Variants in BAZ2A observed in about 807,000 individuals in gnomAD.
BAZ2A encodes bromodomain adjacent to zinc finger domain 2A, also known as bromodomain adjacent to zinc finger domain protein 2A.
BAZ2A carries 34 observed loss-of-function variants against 199.9 expected under a neutral mutation model. That is an observed-to-expected ratio of 0.17 (90% CI 0.13 to 0.23). The LOEUF (loss-of-function observed/expected upper bound fraction) is 0.23. BAZ2A is among the 10% of genes least tolerant of loss of function. BAZ2A has a pLI of 1.00. For missense variants in BAZ2A, 2,002 were observed against 2,391.1 expected (o/e 0.84, Z 3.39); for synonymous variants, 857 against 883.9 (o/e 0.97, Z 0.54).
rs760854346 is a variant in BAZ2A at position 56,605,205 on chromosome 12, T to G, written c.2616A>C (p.Lys872Asn). The change falls in exon 14 of 29, where the codon AAA becomes AAC. Residue 872 changes from lysine to asparagine, a missense_variant. Around this residue, in one of 6 missense-constraint regions of BAZ2A, gnomAD observed 1,081 missense variants for 1,274.7 expected, o/e 0.85. Coordinates refer to ENST00000549884, the MANE Select transcript of BAZ2A (RefSeq NM_001300905.2). ...FGKVLGFDPA[K>N]DVPSLGVLQE... The stretch of plus-strand genomic sequence containing the variant: ...GCAGGACCCCCAGGCTAGGCACATC[T>G]TTGGCAGGATCAAAGCCCAGCACCT... 5 of 1,613,722 alleles carry G rather than the reference T, an allele frequency of 3.1e-6. 1 individual carries two copies. In the South Asian group the frequency reaches 5.5e-5, roughly 18 times the overall value.
intron 19 of BAZ2A, among the ~76,000 whole-genome samples, 171 bp from the exon 20 acceptor site, chr12:56,602,363 C>G (rs537508180): frequency 6.6e-6 from 1 of 152,264 alleles, no homozygotes; most frequent in South Asian, 2.1e-4. Context: ...GGGGAAGAAA[C>G]ACTATTCTCC....
At chr12:56,636,128 A>G in intron 1 of BAZ2A, 1 of 1,541,052 alleles carries the variant, frequency 6.5e-7, no homozygotes, top group Admixed American at 1.9e-5. Context: ...TGAGTCAGCC[A>G]GGGAGGGAGT....
rs1488040147 is a variant in BAZ2A, at chr12:56,600,234, G to A, written c.4859C>T (p.Pro1620Leu). The change falls in exon 24 of 29, where the codon CCT becomes CTT. Residue 1620 changes from proline (P) to leucine (L), a missense_variant. Pro to Leu is a moderately conservative substitution (Grantham distance 98). Coordinates refer to ENST00000549884, the MANE Select transcript of BAZ2A (RefSeq NM_001300905.2). ...VVLEKALLST[P>L]NGAPEGTTTE... ...AGTGGTGCCCTCAGGGGCACCATTA[G>A]GTGTGCTAAGCAGGGCCTTCTCCAG... 6.2e-7 allele frequency: 1 copy of A among 1,613,956 alleles called. No homozygotes were observed. The highest frequency in any genetic ancestry group is 1.7e-5 in the Admixed American group (1 of 60,016).
intron 1 of BAZ2A, among the ~76,000 whole-genome samples, chr12:56,629,450 T>A (rs753777517): frequency 6.6e-6 from 1 of 152,264 alleles, no homozygotes; most frequent in East Asian, 1.9e-4. Context: ...TATTCTTCCC[T>A]TCTGCCCCTC....
At position 56,601,689 on chromosome 12, in the gene BAZ2A, C is replaced by T. The variant is rs749825316; in HGVS notation, c.3928G>A (p.Glu1310Lys). Reference protein sequence around the residue: ...SQPPEEPEPDEAESSPDPQAL... With the variant: ...SQPPEEPEPDKAESSPDPQAL... ...TGAGGATCAGGGCTGGATTCTGCCT[C>T]ATCAGGCTCTGGCTCCTCCGGGGGT... The change falls in exon 20 of 29, where the codon GAG (glutamate) becomes AAG (lysine). Residue 1310 changes from glutamate to lysine, a missense_variant. Glu to Lys is a moderately conservative substitution (Grantham distance 56). Around this residue, in one of 6 missense-constraint regions of BAZ2A, gnomAD observed 1,081 missense variants for 1,274.7 expected, o/e 0.85. Coordinates refer to ENST00000549884, the MANE Select transcript of BAZ2A (RefSeq NM_001300905.2). 6.2e-7 allele frequency: 1 copy of T among 1,613,946 alleles called. No homozygotes were observed. The highest frequency in any genetic ancestry group is 1.7e-5 in the Admixed American group (1 of 60,022).
intron 1 of BAZ2A, among the ~76,000 whole-genome samples, chr12:56,619,818 G>A (rs957717812): frequency 6.6e-5 from 10 of 152,234 alleles, no homozygotes; most frequent in African/African-American, 2.2e-4. Context: ...AGACCAGCTT[G>A]GGAAACATAG....
chr12:56,598,517 C>T lies in BAZ2A; in HGVS notation c.*101G>A. ...GGTCAAAAATCAGGGTTGTATCTGA[C>T]TTGAGTCTGGACCCAGGGCAGCATC... On this transcript the variant is annotated 3_prime_UTR_variant, in exon 29 of 29. Transcript: ENST00000549884. 1 of 1,437,084 alleles carries T rather than the reference C, an allele frequency of 7.0e-7. No individual in the cohort carries two copies. Among genetic ancestry groups the T allele is most frequent in the Non-Finnish European group, 9.3e-7 (1 of 1,073,140 alleles). The allele number at this position is 1,437,084 out of a possible 1,614,324, so 89.0% of individuals were successfully genotyped here.
intron 1 of BAZ2A, 106 bp downstream of exon 1, chr12:56,630,019 C>T (rs1008719992): frequency 3.1e-5 from 26 of 837,748 alleles, no homozygotes; most frequent in Admixed American, 6.2e-5. Flanking sequence ...GGCTTCCCGC[C>T]CCGGCAAGGC....
At position 56,603,678 on chromosome 12, in the gene BAZ2A, G is replaced by T. The variant is rs1950251624; in HGVS notation, c.3061C>A (p.Arg1021=). ...LRRLKTVLAK[R]TGRSEVEMEG... is the part of the protein sequence containing the mutation. ...ATCTCTACTTCAGACCGCCCAGTTC[G>T]CTTGGCCAGAACAGTTTTCAGCCTT... The change falls in exon 17 of 29, where the codon CGA becomes AGA. Residue 1021 remains arginine (R), a synonymous_variant. Transcript: ENST00000549884. 6.2e-7 allele frequency: 1 copy of T among 1,613,838 alleles called. No individual in the cohort carries two copies.
chr12:56,599,415 C>T, intron 26 of BAZ2A, 57 bp from the exon 27 acceptor site: 1 of 1,535,230 alleles, frequency 6.5e-7, no homozygotes, highest in Non-Finnish European at 8.8e-7. Flanking sequence ...GCTTGCCCTA[C>T]TACAATCTCT....
In BAZ2A at chr12:56,606,578, GAAGT is replaced by G. The variant is rs773862060; in HGVS notation, c.2193+51_2193+54del. 1.3e-4 allele frequency: 196 copies of G among 1,500,340 alleles called. 1 individual carries two copies. Among genetic ancestry groups the G allele is most frequent in the Non-Finnish European group, 1.7e-4 (185 of 1,076,728 alleles). The allele number at this position is 1,500,340 out of a possible 1,614,324, so 92.9% of individuals were successfully genotyped here. A position where few individuals can be genotyped will look rare whatever the true frequency, so the allele number is the denominator to read the frequency against. ...GATGTGGGAAATGAAAATAAAAGATGAAGTAAGTTGTAGGAAAAATTAACCTACT... is the reference window on the plus strand; with the variant it reads ...GATGTGGGAAATGAAAATAAAAGATGAAGTTGTAGGAAAAATTAACCTACT... On this transcript the variant is annotated intron_variant, in intron 11 of 28. Transcript: ENST00000549884.
At chr12:56,610,270 G>A (rs1317317770) in intron 8 of BAZ2A, 55 bp from the exon 9 acceptor site, 13 of 1,595,318 alleles carry the variant, frequency 8.1e-6, no homozygotes, top group African/African-American at 1.3e-5. Flanking sequence ...CATGTCTTTG[G>A]CCAGCAAAGG....
At position 56,601,973 on chromosome 12, in the gene BAZ2A, G is replaced by A; in HGVS notation, c.3644C>T (p.Pro1215Leu). 1.3e-6 allele frequency: 2 copies of A among 1,559,470 alleles called. No individual in the cohort carries two copies. The highest frequency in any genetic ancestry group is 1.7e-4 in the Middle Eastern group (1 of 5,992). ...SPVRGQDSEQ[P>L]QAQLQPEAQL... ...AGCCTCAGGCTGAAGCTGGGCCTGG[G>A]GCTGTTCTGAATCCTGACCCCTGAC... Residue 1215 changes from proline to leucine, a missense_variant, in exon 20 of 29, where the codon CCC becomes CTC. By Grantham distance (98) the Pro-to-Leu change is moderately conservative. This residue lies in a region of BAZ2A where 1,081 missense variants were observed against 1,274.7 expected (regional missense o/e 0.85). Coordinates refer to ENST00000549884, the MANE Select transcript of BAZ2A (RefSeq NM_001300905.2).
chr12:56,627,825 CAAAA>C (rs547754562), intron 1 of BAZ2A, among the ~76,000 whole-genome samples: 1 of 58,250 alleles, frequency 1.7e-5, no homozygotes, highest in Non-Finnish European at 3.4e-5. Flanking sequence ...GACCCTGTCT[CAAAA>C]AAAAAAAAAA....
intron 10 of BAZ2A, among the ~76,000 whole-genome samples, chr12:56,608,075 GAA>G (rs756785811): frequency 9.0e-5 from 10 of 110,956 alleles, no homozygotes; most frequent in Non-Finnish European, 5.6e-5. Flanking sequence ...ACTCCATCTG[GAA>G]AAAAAAAAAA....
At chr12:56,626,484 C>CA (rs1228418880) in intron 1 of BAZ2A, among the ~76,000 whole-genome samples, 1 of 152,194 alleles carries the variant, frequency 6.6e-6, no homozygotes, top group Non-Finnish European at 1.5e-5. Context: ...TACTTGATTC[C>CA]AGAGCCGCAA....
At position 56,599,296 on chromosome 12, in the gene BAZ2A, A is replaced by G. The variant is rs1026122587; in HGVS notation, c.5235T>C (p.Ser1745=). The G allele has an allele frequency of 1.2e-6, 2 of 1,613,534 alleles. No homozygotes were observed. Among genetic ancestry groups the G allele is most frequent in the African/African-American group, 2.7e-5 (2 of 74,990 alleles). The part of the protein sequence containing the change: ...GFPKRGQKRK[S]GYSLNFSEGD... ...CCTCTGAGAAGTTCAGCGAATAACC[A>G]CTTTTCCGCTTCTGGCCACGCTTTG... is the stretch of plus-strand genomic sequence containing the variant. Residue 1745 remains serine, a synonymous_variant, in exon 27 of 29, where the codon AGT becomes AGC. Coordinates refer to ENST00000549884, the MANE Select transcript of BAZ2A (RefSeq NM_001300905.2).
intron 2 of BAZ2A, 90 bp downstream of exon 2, chr12:56,617,305 C>A: frequency 7.7e-7 from 1 of 1,292,720 alleles, no homozygotes. Flanking sequence ...TTCTCTCCAG[C>A]AGCAAAGTAG....
chr12:56,607,992 ATC>A (rs1437014287), intron 10 of BAZ2A, among the ~76,000 whole-genome samples: 1 of 151,758 alleles, frequency 6.6e-6, no homozygotes, highest in Non-Finnish European at 1.5e-5. Context: ...AGGCAGGAGA[ATC>A]GCTTAAACCT....
Sources: allele counts gnomAD v4.1 joint callset (sites outside exome capture counted in the v4.1 genomes callset), GRCh38; gene constraint gnomAD v4.1.1; regional missense constraint gnomAD v4.1.1; transcripts MANE v1.5; gene names NCBI Gene and HGNC (gene_info 2026-07-23, HGNC 2026-07-21).